GK: variants seen among roughly 807,000 people sequenced by gnomAD.
GK encodes ATP:glycerol 3-phosphotransferase.
GK carries 9 observed loss-of-function variants against 56.4 expected under a neutral mutation model. That is an observed-to-expected ratio of 0.16 (90% CI 0.10 to 0.28). GK has a LOEUF of 0.28. GK is among the 10% of genes least tolerant of loss of function. GK has a pLI of 1.00. For missense variants in GK, 161 were observed against 431.4 expected (o/e 0.37, Z 5.55); for synonymous variants, 104 against 144.1 (o/e 0.72, Z 1.99).
intron 13 of GK, among the ~76,000 whole-genome samples, chrX:30,711,344 G>T (rs1441398672): frequency 2.7e-5 from 3 of 111,153 alleles, no homozygotes; most frequent in Non-Finnish European, 5.7e-5. Context: ...AGATAATCTG[G>T]TTTATTGTCT....
rs1344193345 is a variant in GK, at chrX:30,691,104, A to G, written c.338-19A>G. ...TTAAATGAAGTTTTTCATGTATATTATTTTATTTTGGTCTATAGTGTGGCT... is the reference window on the plus strand; with the variant it reads ...TTAAATGAAGTTTTTCATGTATATTGTTTTATTTTGGTCTATAGTGTGGCT... On this transcript the variant is annotated intron_variant, in intron 4 of 20. Transcript: ENST00000427190. 1.0e-6 allele frequency: 1 copy of G among 963,032 alleles called. No individual in the cohort carries two copies. The highest frequency in any genetic ancestry group is 2.0e-5 in the South Asian group (1 of 49,347). The allele number at this position is 963,032 out of a possible 1,213,427, so 79.4% of individuals were successfully genotyped here.
At chrX:30,689,444 G>T (rs759237540) in intron 4 of GK, 1 of 324,194 alleles carries the variant, frequency 3.1e-6, no homozygotes, top group Non-Finnish European at 6.0e-6. Flanking sequence ...TTAAAGCAGG[G>T]GGCAGTTCTT....
intron 20 of GK, 85 bp from the exon 21 acceptor site, chrX:30,728,647 A>G (rs1320532420): frequency 2.3e-5 from 15 of 646,805 alleles, no homozygotes; most frequent in African/African-American, 1.5e-4. Context: ...CTAGCTTAAT[A>G]AATGATTGAA....
intron 1 of GK, among the ~76,000 whole-genome samples, chrX:30,660,680 T>C (rs1435384307): frequency 9.0e-6 from 1 of 110,595 alleles, no homozygotes; most frequent in Admixed American, 9.7e-5. Flanking sequence ...TGGAGCTCGA[T>C]GTGCCCCAGC....
In GK at chrX:30,677,306, C is replaced by T. The variant is rs1461373849; in HGVS notation, c.260-69C>T. 5 of 591,147 alleles carry T rather than the reference C, an allele frequency of 8.5e-6. No individual in the cohort carries two copies. In the East Asian group the frequency reaches 1.6e-4, roughly 19 times the overall value. The allele number at this position is 591,147 out of a possible 1,213,427, so 48.7% of individuals were successfully genotyped here. A position where few individuals can be genotyped will look rare whatever the true frequency, so the allele number is the denominator to read the frequency against. ...AGTTGTGTCTCTAGTAAGATGAGAG[C>T]TGTTTTCCTGAAGTAGTTTCCTACT... is the stretch of plus-strand genomic sequence containing the variant. On this transcript the variant is annotated intron_variant, in intron 3 of 20. Transcript: ENST00000427190.
chrX:30,700,542 T>C, intron 10 of GK, 93 bp downstream of exon 10: 1 of 762,374 alleles, frequency 1.3e-6, no homozygotes, highest in Non-Finnish European at 2.0e-6. Context: ...CTTTTTAAAC[T>C]AGGGAAAACA....
chrX:30,731,417 A>G lies in GK; in HGVS notation c.*2675A>G, dbSNP rs1208955253. ...CCTTGATCCTTTGCTTTTGCAACCTAACAACTTTAATAATAAGTTCACACA... is the reference window on the plus strand; with the variant it reads ...CCTTGATCCTTTGCTTTTGCAACCTGACAACTTTAATAATAAGTTCACACA... On this transcript the variant is annotated 3_prime_UTR_variant, in exon 21 of 21. Coordinates refer to ENST00000427190, the MANE Select transcript of GK (RefSeq NM_001205019.2). The G allele has an allele frequency of 8.9e-6, 1 of 112,119 alleles. No individual in the cohort carries two copies. Among genetic ancestry groups the G allele is most frequent in the African/African-American group, 3.2e-5 (1 of 30,892 alleles). 9.2% of individuals were successfully genotyped at this position (112,119 alleles called of 1,213,427 possible). A position where few individuals can be genotyped will look rare whatever the true frequency, so the allele number is the denominator to read the frequency against.
At chrX:30,727,695 A>G in intron 20 of GK, 143 bp downstream of exon 20, 1 of 456,595 alleles carries the variant, frequency 2.2e-6, no homozygotes, top group Non-Finnish European at 3.8e-6. Flanking sequence ...TAGTTAGACC[A>G]ATTAATCTTT....
rs756359732 is a variant in GK, at chrX:30,720,863, A to T, written c.1369A>T (p.Met457Leu). The change falls in exon 18 of 21, where the codon ATG becomes TTG. Residue 457 changes from methionine (M) to leucine (L), a missense_variant. By Grantham distance (15) the Met-to-Leu change is conservative (BLOSUM62 2). Transcript: ENST00000427190. Reference sequence around the variant, plus strand: ...CTCTCTCTCCTCAGTGAAGCCCTCAATGCCCGAAACCACTGCACTGGGTGC... The same window carrying T: ...CTCTCTCTCCTCAGTGAAGCCCTCATTGCCCGAAACCACTGCACTGGGTGC... ...ILYIPVVKPS[M>L]PETTALGAAM... is the part of the protein sequence containing the mutation. 8.3e-7 allele frequency: 1 copy of T among 1,210,576 alleles called. No individual in the cohort carries two copies.
At chrX:30,656,606 C>T (rs111321353) in intron 1 of GK, among the ~76,000 whole-genome samples, 5,908 of 111,125 alleles carry the variant, frequency 0.053, 170 homozygotes, top group Non-Finnish European at 0.077. Context: ...AATTCCCCCC[C>T]CTTCCTACAG....
At chrX:30,704,149 T>TATATATATA (rs1429695034) in intron 11 of GK, among the ~76,000 whole-genome samples, 4 of 96,668 alleles carry the variant, frequency 4.1e-5, no homozygotes, top group East Asian at 3.1e-4. Flanking sequence ...TATATATATA[T>TATATATATA]GAGATAGGGT....
chrX:30,676,899 A>G (rs1354465494), intron 3 of GK, among the ~76,000 whole-genome samples: 1 of 111,606 alleles, frequency 9.0e-6, no homozygotes, highest in Non-Finnish European at 1.9e-5. Flanking sequence ...AGCATGAAGG[A>G]TTTTGTCCAT....
At chrX:30,671,008 C>T (rs767090377) in intron 3 of GK, among the ~76,000 whole-genome samples, 1 of 105,274 alleles carries the variant, frequency 9.5e-6, no homozygotes, top group East Asian at 3.1e-4. Context: ...ACAAAAAAGG[C>T]TGGGCGCACA....
At chrX:30,671,291 CAAAAAAAAAAA>C (rs56822779) in intron 3 of GK, among the ~76,000 whole-genome samples, 4 of 27,310 alleles carry the variant, frequency 1.5e-4, no homozygotes, top group South Asian at 3.0e-3. Flanking sequence ...AACTCCATCT[CAAAAAAAAAAA>C]AAAAAAAAAA....
At position 30,728,866 on chromosome X, in the gene GK, G is replaced by A. The variant is rs1405726342; in HGVS notation, c.*124G>A. On this transcript the variant is annotated 3_prime_UTR_variant, in exon 21 of 21. Transcript: ENST00000427190. ...TGATTTTATTTATAAGCCACTTGCT[G>A]CATGACCCTCCAAGTAGACCTGTGG... 1 of 546,994 alleles carries A rather than the reference G, an allele frequency of 1.8e-6. No homozygotes were observed. The highest frequency in any genetic ancestry group is 2.3e-5 in the African/African-American group (1 of 43,722). 45.1% of individuals were successfully genotyped at this position (546,994 alleles called of 1,213,427 possible). A position where few individuals can be genotyped will look rare whatever the true frequency, so the allele number is the denominator to read the frequency against.
chrX:30,685,131 T>A (rs1467143507), intron 4 of GK, among the ~76,000 whole-genome samples: 1 of 109,734 alleles, frequency 9.1e-6, no homozygotes, highest in Non-Finnish European at 1.9e-5. Context: ...TTTTTTTCTT[T>A]TTTTTTTTCT....
intron 13 of GK, among the ~76,000 whole-genome samples, chrX:30,716,651 C>G (rs1481978799): frequency 8.9e-6 from 1 of 111,994 alleles, no homozygotes; most frequent in Non-Finnish European, 1.9e-5. Context: ...TTGGCAGCTG[C>G]TATCTCTGAA....
At chrX:30,708,501 T>C (rs892904774) in intron 13 of GK, among the ~76,000 whole-genome samples, 4 of 110,997 alleles carry the variant, frequency 3.6e-5, no homozygotes. Flanking sequence ...AATGCTCCAG[T>C]GTTCCAAAGA....
At chrX:30,707,415 G>T in intron 11 of GK, 141 bp from the exon 12 acceptor site, 6 of 389,055 alleles carry the variant, frequency 1.5e-5, no homozygotes, top group South Asian at 4.8e-5. Context: ...TATGATTTTT[G>T]TTAACTTTAG....
Sources: gnomAD v4.1 joint callset for allele counts (sites outside exome capture counted in the v4.1 genomes callset) on GRCh38, gnomAD v4.1.1 for gene constraint, MANE v1.5 for transcripts, NCBI Gene and HGNC (gene_info 2026-07-23, HGNC 2026-07-21) for gene names.